The following EXOC6B variants were observed in gnomAD, a reference collection of about 807,000 sequenced individuals.
EXOC6B encodes exocyst complex component 6B, also known as SEC15 homolog B.
EXOC6B carries 54 observed loss-of-function variants against 113.5 expected under a neutral mutation model. That is an observed-to-expected ratio of 0.48 (90% CI 0.38 to 0.60). The LOEUF is 0.60. Ranked by LOEUF, EXOC6B falls within the 20% of genes least tolerant of loss-of-function variation. The pLI is 0.00. For missense variants in EXOC6B, 797 were observed against 977.5 expected, an observed-to-expected ratio of 0.82 and a Z score of 2.46; for synonymous variants, 357 against 339.0, an observed-to-expected ratio of 1.05 and a Z score of -0.58.
Position 72,368,674 on chromosome 2 carries a change from G to C in EXOC6B, c.2122+11055C>G, listed in dbSNP as rs1327886431. Among the ~76,000 whole-genome samples, 4 of 152,164 alleles carry C rather than the reference G, an allele frequency of 2.6e-5. No homozygotes were observed. In the South Asian group the frequency reaches 6.2e-4, roughly 24 times the overall value. ...CAAAAAGCTTATCTACCACAATCAA[G>C]TGGGCTTCATCCCTGGGATGCAAGG... On this transcript the variant is annotated intron_variant, in intron 19 of 21. Coordinates refer to ENST00000272427, the MANE Select transcript of EXOC6B (RefSeq NM_015189.3).
chr2:72,764,686 C>A (rs761525322), intron 1 of EXOC6B, among the ~76,000 whole-genome samples: 21 of 152,002 alleles, frequency 1.4e-4, no homozygotes, highest in Non-Finnish European at 1.0e-4. Context: ...CTCTTTATAT[C>A]TTTTCCTTAC....
intron 5 of EXOC6B, among the ~76,000 whole-genome samples, chr2:72,727,962 A>G (rs1161774730): frequency 6.6e-6 from 1 of 152,164 alleles, no homozygotes; most frequent in Admixed American, 6.5e-5. Context: ...GAGAAAACCC[A>G]CATGCCTAAA....
intron 20 of EXOC6B, among the ~76,000 whole-genome samples, chr2:72,215,910 AAG>A (rs1414745666): frequency 1.3e-5 from 2 of 152,158 alleles, no homozygotes; most frequent in African/African-American, 4.8e-5. Context: ...CTGCTGAGGA[AAG>A]AAAGGGCAGC....
At chr2:72,599,278 A>C (rs1157905611) in intron 6 of EXOC6B, among the ~76,000 whole-genome samples, 1 of 152,118 alleles carries the variant, frequency 6.6e-6, no homozygotes, top group East Asian at 1.9e-4. Flanking sequence ...ATAATCCATC[A>C]CATCCATAGG....
At chr2:72,335,071 G>C (rs371853759) in intron 19 of EXOC6B, 51 bp from the exon 20 acceptor site, 1 of 1,525,376 alleles carries the variant, frequency 6.6e-7, no homozygotes, top group East Asian at 2.3e-5. Context: ...CCATGGACAG[G>C]GAGATTGGCA....
intron 1 of EXOC6B, among the ~76,000 whole-genome samples, chr2:72,752,243 T>A (rs1191108367): frequency 6.6e-6 from 1 of 152,176 alleles, no homozygotes; most frequent in African/African-American, 2.4e-5. Flanking sequence ...TGCATTCCAA[T>A]ACACAAATCT....
intron 7 of EXOC6B, 43 bp downstream of exon 7, chr2:72,575,449 A>C: frequency 1.3e-6 from 2 of 1,568,832 alleles, no homozygotes; most frequent in Non-Finnish European, 1.7e-6. Context: ...ATACTATTTA[A>C]GCTTAAAAAT....
chr2:72,665,325 A>T (rs1675312561), intron 6 of EXOC6B, among the ~76,000 whole-genome samples: 1 of 152,184 alleles, frequency 6.6e-6, no homozygotes. Context: ...CAAGAGGTTG[A>T]CATGCAAATT....
At chr2:72,245,849 AC>A (rs1324044360) in intron 20 of EXOC6B, among the ~76,000 whole-genome samples, 3 of 152,202 alleles carry the variant, frequency 2.0e-5, no homozygotes, top group Non-Finnish European at 2.9e-5. Flanking sequence ...TTTTAAAAAA[AC>A]ATCTGAACTA....
At chr2:72,651,931 G>GAT (rs1490016816) in intron 6 of EXOC6B, among the ~76,000 whole-genome samples, 3 of 152,044 alleles carry the variant, frequency 2.0e-5, no homozygotes, top group Non-Finnish European at 2.9e-5. Flanking sequence ...TGAAAGAGAA[G>GAT]ATATATATAT....
At chr2:72,409,333 T>G (rs991029796) in intron 18 of EXOC6B, among the ~76,000 whole-genome samples, 12 of 152,130 alleles carry the variant, frequency 7.9e-5, no homozygotes, top group Admixed American at 1.3e-4. Flanking sequence ...TCTAGAACTG[T>G]AAATACCATT....
intron 20 of EXOC6B, among the ~76,000 whole-genome samples, chr2:72,205,640 G>T (rs1679793405): frequency 6.6e-6 from 1 of 152,190 alleles, no homozygotes; most frequent in African/African-American, 2.4e-5. Context: ...GTGCTAAAGA[G>T]GCTCATTGTT....
intron 8 of EXOC6B, among the ~76,000 whole-genome samples, chr2:72,541,134 TA>T (rs1257062718): frequency 6.6e-6 from 1 of 152,206 alleles, no homozygotes; most frequent in Admixed American, 6.5e-5. Context: ...TGATAGTGAA[TA>T]AGTCTCACAA....
At chr2:72,477,404 C>T (rs191225880) in intron 17 of EXOC6B, among the ~76,000 whole-genome samples, 5 of 152,258 alleles carry the variant, frequency 3.3e-5, no homozygotes, top group Admixed American at 3.3e-4. Context: ...AGTACTAAGA[C>T]CTGCTATCTG....
intron 16 of EXOC6B, among the ~76,000 whole-genome samples, chr2:72,491,739 A>T (rs1457843523): frequency 6.6e-6 from 1 of 152,140 alleles, no homozygotes; most frequent in Non-Finnish European, 1.5e-5. Flanking sequence ...GAGATTCCAT[A>T]AACCTCCACA....
chr2:72,676,165 A>G (rs1676296409), intron 6 of EXOC6B, among the ~76,000 whole-genome samples: 1 of 152,044 alleles, frequency 6.6e-6, no homozygotes, highest in Non-Finnish European at 1.5e-5. Flanking sequence ...AAGGTTTTCA[A>G]CTTTTGAGAA....
chr2:72,750,157 C>T (rs573701204), intron 1 of EXOC6B, among the ~76,000 whole-genome samples: 1 of 151,744 alleles, frequency 6.6e-6, no homozygotes, highest in East Asian at 1.9e-4. Flanking sequence ...CAATTTCACC[C>T]GTAAGTGGTT....
At chr2:72,344,603 G>A (rs148906149) in intron 19 of EXOC6B, among the ~76,000 whole-genome samples, 159 of 152,114 alleles carry the variant, frequency 1.0e-3, no homozygotes, top group South Asian at 4.8e-3. Context: ...TTTTGTTACC[G>A]TTTTTGTTGA....
chr2:72,386,691 T>G (rs2105092863), intron 18 of EXOC6B, among the ~76,000 whole-genome samples: 1 of 152,178 alleles, frequency 6.6e-6, no homozygotes, highest in South Asian at 2.1e-4. Flanking sequence ...AGTGCAAGAG[T>G]TGGGATTCAT....
Sources: allele counts gnomAD v4.1 joint callset (sites outside exome capture counted in the v4.1 genomes callset), GRCh38; gene constraint gnomAD v4.1.1; transcripts MANE v1.5; gene names NCBI Gene and HGNC (gene_info 2026-07-23, HGNC 2026-07-21).